Variants in SDK1 observed in about 807,000 individuals in gnomAD.
The protein encoded by SDK1 is protein sidekick-1.
In SDK1, 157 loss-of-function variants were observed where a neutral mutation model predicts 245.5. That is an observed-to-expected ratio of 0.64 (90% confidence interval 0.56 to 0.73). SDK1 has a LOEUF of 0.73. SDK1 is among the 30% of genes least tolerant of loss of function. The pLI, the probability that SDK1 is intolerant of heterozygous loss-of-function variation, is 0.00. For synonymous variants in SDK1, 1,647 were observed against 1,278.5 expected (o/e 1.29, Z -6.15); for missense variants, 3,583 against 3,002.3 (o/e 1.19, Z -4.52).
chr7:3,506,120 C>T (rs902255832), intron 1 of SDK1, among the ~76,000 whole-genome samples: 1 of 152,044 alleles, frequency 6.6e-6, no homozygotes, highest in African/African-American at 2.4e-5. Flanking sequence ...ACAACACTTT[C>T]TCTTTGCCAA....
intron 1 of SDK1, among the ~76,000 whole-genome samples, chr7:3,523,902 T>C (rs1327795944): frequency 6.6e-6 from 1 of 152,154 alleles, no homozygotes; most frequent in Non-Finnish European, 1.5e-5. Flanking sequence ...ATTGCTGTGA[T>C]TGTGGTTATA....
chr7:3,331,272 AAAC>A (rs1190679028), intron 1 of SDK1, among the ~76,000 whole-genome samples: 2 of 152,260 alleles, frequency 1.3e-5, no homozygotes, highest in Admixed American at 1.3e-4. Flanking sequence ...GAAAAAAAGA[AAAC>A]AAAAAACAAA....
chr7:3,570,136 T>C (rs1461088907), intron 1 of SDK1, among the ~76,000 whole-genome samples: 9 of 152,208 alleles, frequency 5.9e-5, no homozygotes, highest in Non-Finnish European at 1.0e-4. Flanking sequence ...TTGGACTGCA[T>C]GTTTCCTGGC....
intron 25 of SDK1, among the ~76,000 whole-genome samples, chr7:4,122,363 A>G (rs560529516): frequency 6.6e-6 from 1 of 152,260 alleles, no homozygotes; most frequent in Non-Finnish European, 1.5e-5. Flanking sequence ...CCAGGGCTGA[A>G]TGGTGAGTGG....
At chr7:4,012,793 C>T (rs183978522) in intron 16 of SDK1, among the ~76,000 whole-genome samples, 68 of 151,926 alleles carry the variant, frequency 4.5e-4, no homozygotes, top group Non-Finnish European at 7.5e-4. Context: ...AAGCTGGTCT[C>T]AAACTCCTGA....
chr7:3,985,545 G>C (rs1206313262), intron 13 of SDK1, among the ~76,000 whole-genome samples: 7 of 152,274 alleles, frequency 4.6e-5, no homozygotes, highest in African/African-American at 1.4e-4. Context: ...CCAGCACTTC[G>C]AGAGGCCGAG....
chr7:3,670,312 T>G (rs1783658217), intron 4 of SDK1, among the ~76,000 whole-genome samples: 1 of 152,120 alleles, frequency 6.6e-6, no homozygotes, highest in Non-Finnish European at 1.5e-5. Context: ...TACCTAAATT[T>G]TTTCTTCCAT....
At chr7:3,663,567 C>T (rs1325168700) in intron 4 of SDK1, among the ~76,000 whole-genome samples, 1 of 152,060 alleles carries the variant, frequency 6.6e-6, no homozygotes, top group Admixed American at 6.6e-5. Context: ...CTGTTTAGAC[C>T]ATGTGGCCAG....
At chr7:4,124,205 A>C (rs1353384468) in intron 25 of SDK1, among the ~76,000 whole-genome samples, 1 of 152,230 alleles carries the variant, frequency 6.6e-6, no homozygotes, top group African/African-American at 2.4e-5. Context: ...GCATTGTCTT[A>C]AAGACTGTGT....
At chr7:3,725,324 G>A (rs953590362) in intron 4 of SDK1, among the ~76,000 whole-genome samples, 1 of 152,190 alleles carries the variant, frequency 6.6e-6, no homozygotes, top group Admixed American at 6.5e-5. Flanking sequence ...GGAAGGAACT[G>A]TCCTTCTCAA....
At chr7:3,606,072 C>G (rs1781414815) in intron 1 of SDK1, among the ~76,000 whole-genome samples, 1 of 152,072 alleles carries the variant, frequency 6.6e-6, no homozygotes, top group Non-Finnish European at 1.5e-5. Flanking sequence ...GTGTGGATGT[C>G]TAGTGGGTAT....
chr7:3,578,564 C>T (rs1006392935), intron 1 of SDK1, among the ~76,000 whole-genome samples: 2 of 151,968 alleles, frequency 1.3e-5, no homozygotes, highest in Non-Finnish European at 2.9e-5. Context: ...GGGTGTATTT[C>T]AGTCCTTATC....
At chr7:3,846,872 G>C (rs1780291965) in intron 5 of SDK1, among the ~76,000 whole-genome samples, 1 of 152,048 alleles carries the variant, frequency 6.6e-6, no homozygotes, top group African/African-American at 2.4e-5. Flanking sequence ...TCTGGCTGCT[G>C]CTTGTCAGGT....
In SDK1 at chr7:3,653,094, G is replaced by A. The variant is rs141351851; in HGVS notation, c.713+10989G>A. Among the ~76,000 whole-genome samples, 132 of 152,314 alleles carry A rather than the reference G, an allele frequency of 8.7e-4. 2 individuals are homozygous for A. Among genetic ancestry groups the A allele is most frequent in the African/African-American group, 3.1e-3 (128 of 41,566 alleles). ...TCTGGTGACGCAGATGAGAAAAGTC[G>A]CAGGCTTAAACTTGTGTGGGGTGAG... On this transcript the variant is annotated intron_variant, in intron 4 of 44. Coordinates refer to ENST00000404826, the MANE Select transcript of SDK1 (RefSeq NM_152744.4).
chr7:3,488,846 C>A (rs1583937309), intron 1 of SDK1, among the ~76,000 whole-genome samples: 1 of 152,010 alleles, frequency 6.6e-6, no homozygotes, highest in South Asian at 2.1e-4. Flanking sequence ...ATGACACTCA[C>A]ATGAGAGGTT....
chr7:3,950,679 G>C (rs1008730693), intron 5 of SDK1, among the ~76,000 whole-genome samples: 1 of 152,086 alleles, frequency 6.6e-6, no homozygotes. Flanking sequence ...AAGTCAAAAC[G>C]CGCTTTTGTA....
chr7:3,616,269 A>G (rs1218063991), intron 1 of SDK1, among the ~76,000 whole-genome samples: 1 of 152,204 alleles, frequency 6.6e-6, no homozygotes, highest in Non-Finnish European at 1.5e-5. Flanking sequence ...AAATAGGGTG[A>G]TCACACACGT....
chr7:3,524,729 CTG>C (rs952566481), intron 1 of SDK1, among the ~76,000 whole-genome samples: 66 of 152,250 alleles, frequency 4.3e-4, no homozygotes, highest in African/African-American at 1.3e-3. Context: ...TTTGAGAAGT[CTG>C]TTAGGTAGCC....
intron 4 of SDK1, among the ~76,000 whole-genome samples, chr7:3,746,204 G>A (rs1005023954): frequency 2.6e-5 from 4 of 152,154 alleles, no homozygotes; most frequent in Non-Finnish European, 4.4e-5. Context: ...AGTTTATTAA[G>A]TGTGCAATAG....
Sources: allele counts gnomAD v4.1 joint callset (sites outside exome capture counted in the v4.1 genomes callset), GRCh38; gene constraint gnomAD v4.1.1; transcripts MANE v1.5; gene names NCBI Gene and HGNC (gene_info 2026-07-23, HGNC 2026-07-21).